Variants in GPR137B observed in about 807,000 individuals in gnomAD.
GPR137B encodes the protein integral membrane protein GPR137B.
A neutral mutation model predicts 42.5 loss-of-function variants in GPR137B; 42 were observed. The observed-to-expected ratio is 0.99, with a 90% CI of 0.77 to 1.28. The LOEUF is 1.28. GPR137B is among the 50% of genes most tolerant of loss of function. The probability of loss-of-function intolerance (pLI) is 0.00; values close to 1 mark genes in which losing one functional copy is unlikely to be tolerated. For synonymous variants in GPR137B, 218 were observed against 209.7 expected, an observed-to-expected ratio of 1.04 and a Z score of -0.34; for missense variants, 487 against 493.9, an observed-to-expected ratio of 0.99 and a Z score of 0.13.
intron 5 of GPR137B, among the ~76,000 whole-genome samples, chr1:236,192,328 G>A (rs1053727375): frequency 2.0e-5 from 3 of 151,962 alleles, no homozygotes; most frequent in Non-Finnish European, 4.4e-5. Context: ...TTCCAGGGGA[G>A]TGAATGGTTC....
chr1:236,144,566 T>C (rs80023605), intron 1 of GPR137B, among the ~76,000 whole-genome samples: 3,812 of 152,318 alleles, frequency 0.025, 151 homozygotes, highest in African/African-American at 0.086. Flanking sequence ...TAAAAATGGG[T>C]CTACACTCAG....
chr1:236,176,195 C>T (rs1279305910), intron 2 of GPR137B, among the ~76,000 whole-genome samples: 4 of 152,016 alleles, frequency 2.6e-5, no homozygotes, highest in Non-Finnish European at 4.4e-5. Flanking sequence ...CCTTGCTCAG[C>T]GATCAGGGCC....
At chr1:236,188,021 A>G (rs916883808) in intron 5 of GPR137B, among the ~76,000 whole-genome samples, 4 of 152,134 alleles carry the variant, frequency 2.6e-5, no homozygotes, top group Non-Finnish European at 5.9e-5. Flanking sequence ...AGCAGTTTGT[A>G]GTTCTCCTTG....
intron 1 of GPR137B, among the ~76,000 whole-genome samples, chr1:236,158,693 G>A (rs1662102272): frequency 6.6e-6 from 1 of 152,088 alleles, no homozygotes; most frequent in South Asian, 2.1e-4. Context: ...TTACTGCGAG[G>A]GTCTCCTCAG....
In GPR137B at chr1:236,176,800, T is replaced by C. The variant is rs541027706; in HGVS notation, c.465-1614T>C. On this transcript the variant is annotated intron_variant, in intron 2 of 6. Transcript: ENST00000366592. ...TTCGTGGAGACCCTGCCACCTACAG[T>C]GTGGATGGAGAGAGTGGAAATGGAG... Among the ~76,000 whole-genome samples, 3 of 152,060 alleles carry C rather than the reference T, an allele frequency of 2.0e-5. 1 individual carries two copies. Among genetic ancestry groups the C allele is most frequent in the African/African-American group, 7.2e-5 (3 of 41,494 alleles).
At chr1:236,149,916 G>A (rs919789270) in intron 1 of GPR137B, among the ~76,000 whole-genome samples, 12 of 152,014 alleles carry the variant, frequency 7.9e-5, no homozygotes, top group South Asian at 6.2e-4. Flanking sequence ...GCCTGTGCAC[G>A]TGTGGCTGCG....
chr1:236,200,862 A>G (rs1663473974), intron 5 of GPR137B, among the ~76,000 whole-genome samples: 2 of 151,554 alleles, frequency 1.3e-5, no homozygotes, highest in African/African-American at 2.4e-5. Context: ...TTGAGATGTG[A>G]GACTGTTTTA....
intron 2 of GPR137B, among the ~76,000 whole-genome samples, chr1:236,177,851 C>T (rs370870226): frequency 1.3e-5 from 2 of 152,036 alleles, no homozygotes; most frequent in Admixed American, 6.6e-5. Flanking sequence ...CCACTGCACC[C>T]GGCCTGTGGC....
chr1:236,147,677 G>A (rs1431628275), intron 1 of GPR137B, among the ~76,000 whole-genome samples: 1 of 152,156 alleles, frequency 6.6e-6, no homozygotes, highest in Non-Finnish European at 1.5e-5. Context: ...CCAGGGCACA[G>A]GTCAGGCTCC....
intron 3 of GPR137B, among the ~76,000 whole-genome samples, chr1:236,179,393 C>A (rs1045028255): frequency 1.3e-5 from 2 of 152,090 alleles, no homozygotes; most frequent in African/African-American, 4.8e-5. Flanking sequence ...AATTCCGAGT[C>A]CAAAGTCACA....
intron 5 of GPR137B, among the ~76,000 whole-genome samples, chr1:236,185,094 C>T (rs1193935025): frequency 6.6e-6 from 1 of 152,190 alleles, no homozygotes; most frequent in East Asian, 1.9e-4. Flanking sequence ...CCCTGTGCTA[C>T]ACTGTAGCTT....
At chr1:236,186,979 G>A (rs374203429) in intron 5 of GPR137B, among the ~76,000 whole-genome samples, 86 of 152,276 alleles carry the variant, frequency 5.6e-4, no homozygotes, top group Non-Finnish European at 9.6e-4. Context: ...GTGTAAAAGC[G>A]TTCCTGTTTC....
chr1:236,167,839 G>A (rs879784548), intron 1 of GPR137B, among the ~76,000 whole-genome samples: 2 of 152,166 alleles, frequency 1.3e-5, no homozygotes, highest in African/African-American at 2.4e-5. Flanking sequence ...GGAAGCATGC[G>A]TGGACACCTA....
intron 2 of GPR137B, among the ~76,000 whole-genome samples, chr1:236,170,086 G>A (rs1160103442): frequency 6.6e-6 from 1 of 151,184 alleles, no homozygotes; most frequent in African/African-American, 2.4e-5. Context: ...TTTGACTGGG[G>A]TTGGGGGAGG....
At chr1:236,204,378 G>A (rs1268525066) in intron 5 of GPR137B, among the ~76,000 whole-genome samples, 1 of 152,106 alleles carries the variant, frequency 6.6e-6, no homozygotes, top group Non-Finnish European at 1.5e-5. Flanking sequence ...ATGTGTCTTT[G>A]GTTTTAGTAT....
intron 5 of GPR137B, among the ~76,000 whole-genome samples, chr1:236,198,937 G>T (rs1160204282): frequency 6.6e-6 from 1 of 152,144 alleles, no homozygotes; most frequent in Non-Finnish European, 1.5e-5. Context: ...GTACTATGTT[G>T]AATAGAAGTG....
At chr1:236,188,618 C>T (rs766367638) in intron 5 of GPR137B, among the ~76,000 whole-genome samples, 1 of 152,108 alleles carries the variant, frequency 6.6e-6, no homozygotes, top group Non-Finnish European at 1.5e-5. Flanking sequence ...TGATGGATTA[C>T]GTTTATTGAT....
At chr1:236,185,631 C>T (rs1164512110) in intron 5 of GPR137B, among the ~76,000 whole-genome samples, 2 of 152,350 alleles carry the variant, frequency 1.3e-5, no homozygotes, top group Non-Finnish European at 2.9e-5. Flanking sequence ...TCACAGCTCA[C>T]CTCAGCCTTG....
intron 6 of GPR137B, 124 bp from the exon 7 acceptor site, chr1:236,207,926 T>C (rs2102929777): frequency 4.4e-6 from 3 of 675,054 alleles, no homozygotes; most frequent in South Asian, 4.1e-5. Context: ...TTAAGAGCCA[T>C]TTAAAAGAAC....
Sources: gnomAD v4.1 joint callset for allele counts (sites outside exome capture counted in the v4.1 genomes callset) on GRCh38, gnomAD v4.1.1 for gene constraint, MANE v1.5 for transcripts, NCBI Gene and HGNC (gene_info 2026-07-23, HGNC 2026-07-21) for gene names.